KIRREL3: variants seen among roughly 807,000 people sequenced by gnomAD.
The protein encoded by KIRREL3 is kin of IRRE-like protein 3.
In KIRREL3, 36 loss-of-function variants were observed where a neutral mutation model predicts 89.7. The ratio of observed to expected loss-of-function variants is 0.40; its 90% CI spans 0.31 to 0.53. The LOEUF (loss-of-function observed/expected upper bound fraction) is 0.53, where lower values mean the gene tolerates loss of function less well. Ranked by LOEUF, KIRREL3 falls within the 20% of genes least tolerant of loss-of-function variation. KIRREL3 has a pLI of 0.49. For synonymous variants in KIRREL3, 445 were observed against 441.4 expected (o/e 1.01, Z -0.10); for missense variants, 864 against 1,056.6 (o/e 0.82, Z 2.53).
rs1949373011 is a variant in KIRREL3 at position 126,752,656 on chromosome 11, A to T, written c.56-189744T>A. The stretch of plus-strand genomic sequence containing the variant: ...CCCCCCCCACCCACTGCCTCCCAAG[A>T]TTCACATGTGAAAGAATGCAAATTC... On this transcript the variant is annotated intron_variant, in intron 1 of 16. Transcript: ENST00000525144. This position sits in a 1 kb window ranked among gnomAD's most constrained non-coding sequence, Gnocchi z 4.8. Among the ~76,000 whole-genome samples, 3 of 152,082 alleles carry T rather than the reference A, an allele frequency of 2.0e-5. No individual in the cohort carries two copies. Among genetic ancestry groups the T allele is most frequent in the Non-Finnish European group, 4.4e-5 (3 of 68,036 alleles).
At position 126,441,747 on chromosome 11, in the gene KIRREL3, CTG is replaced by C. The variant is rs552438437; in HGVS notation, c.1253-1200_1253-1199del. Among the ~76,000 whole-genome samples, 3 of 152,210 alleles carry C rather than the reference CTG, an allele frequency of 2.0e-5. No individual in the cohort carries two copies. The highest frequency in any genetic ancestry group is 4.4e-5 in the Non-Finnish European group (3 of 68,038). ...GCTCTCAGCCAAGGGAGAAAAGGTA[CTG>C]TAGACACTCCAGTGACTTCTGTTGA... On this transcript the variant is annotated intron_variant, in intron 10 of 16. Transcript: ENST00000525144. This position sits in a 1 kb window ranked among gnomAD's most constrained non-coding sequence, Gnocchi z 5.0.
chr11:126,691,315 A>G (rs899962436), intron 1 of KIRREL3, among the ~76,000 whole-genome samples: 3 of 152,228 alleles, frequency 2.0e-5, no homozygotes, highest in African/African-American at 7.2e-5. Flanking sequence ...TCTCACGTAT[A>G]CCAGCAGACA....
chr11:126,590,678 T>A (rs1447749082), intron 1 of KIRREL3, among the ~76,000 whole-genome samples: 3 of 151,736 alleles, frequency 2.0e-5, no homozygotes, highest in African/African-American at 7.3e-5. Flanking sequence ...AGTGGGAGAG[T>A]GATGGAGGGT....
At chr11:126,617,314 A>G (rs1017560051) in intron 1 of KIRREL3, among the ~76,000 whole-genome samples, 1 of 152,240 alleles carries the variant, frequency 6.6e-6, no homozygotes, top group Admixed American at 6.5e-5. Flanking sequence ...CTTCTCTCTT[A>G]TAACTCTGAG....
intron 16 of KIRREL3, 145 bp from the exon 17 acceptor site, chr11:126,425,168 A>G: frequency 1.4e-6 from 1 of 694,974 alleles, no homozygotes; most frequent in Non-Finnish European, 2.4e-6. Context: ...GAGCAAACTC[A>G]GGGGTGAACA....
At position 126,761,254 on chromosome 11, in the gene KIRREL3, G is replaced by C. The variant is rs765070519; in HGVS notation, c.56-198342C>G. Among the ~76,000 whole-genome samples the C allele has an allele frequency of 3.3e-5, 5 of 152,226 alleles. No individual in the cohort carries two copies. Among genetic ancestry groups the C allele is most frequent in the Non-Finnish European group, 7.3e-5 (5 of 68,032 alleles). ...CCAGTGGGAAAGGAAAGGTGGTCAG[G>C]TTGTCAGGCCCCTGCACTCTGCCCA... On this transcript the variant is annotated intron_variant, in intron 1 of 16. Coordinates refer to ENST00000525144, the MANE Select transcript of KIRREL3 (RefSeq NM_032531.4). This position sits in a 1 kb window ranked among gnomAD's most constrained non-coding sequence, Gnocchi z 4.4.
rs951772263 is a variant in KIRREL3, at chr11:126,431,110, G to A, written c.1696+309C>T. On this transcript the variant is annotated intron_variant, in intron 14 of 16. Transcript: ENST00000525144. This position sits in a 1 kb window ranked among gnomAD's most constrained non-coding sequence, Gnocchi z 7.1. ...TAGAGCAAGGATCAAACCACAAACC[G>A]CTTTTCCCCCTATCTTTCTGTACAG... The A allele has an allele frequency of 1.1e-5, 15 of 1,404,478 alleles. No homozygotes were observed. The highest frequency in any genetic ancestry group is 5.8e-5 in the African/African-American group (4 of 69,234). 87.0% of individuals were successfully genotyped at this position (1,404,478 alleles called of 1,614,324 possible).
Position 126,709,224 on chromosome 11 carries a change from C to T in KIRREL3, c.56-146312G>A, listed in dbSNP as rs1472918487. Reference sequence around the variant, plus strand: ...AGAAATTATTAGATCAATTTCAAGTCCTCTTCCTGGCATTCAGAACTCGCC... The same window carrying T: ...AGAAATTATTAGATCAATTTCAAGTTCTCTTCCTGGCATTCAGAACTCGCC... On this transcript the variant is annotated intron_variant, in intron 1 of 16. Coordinates refer to ENST00000525144, the MANE Select transcript of KIRREL3 (RefSeq NM_032531.4). This position sits in a 1 kb window ranked among gnomAD's most constrained non-coding sequence, Gnocchi z 4.0. 6.6e-6 allele frequency among the ~76,000 whole-genome samples: 1 copy of T among 152,196 alleles called. No homozygotes were observed. Among genetic ancestry groups the T allele is most frequent in the Non-Finnish European group, 1.5e-5 (1 of 68,044 alleles).
intron 5 of KIRREL3, among the ~76,000 whole-genome samples, chr11:126,464,541 GAAAAAGA>G (rs1956657544): frequency 4.9e-5 from 1 of 20,456 alleles, no homozygotes; most frequent in East Asian, 5.7e-3. Flanking sequence ...AGAAGAAGAA[GAAAAAGA>G]AAAAGAAAAA....
intron 2 of KIRREL3, among the ~76,000 whole-genome samples, chr11:126,534,811 C>T (rs189164385): frequency 1.3e-4 from 20 of 152,144 alleles, no homozygotes; most frequent in African/African-American, 3.4e-4. Context: ...AGCAGGAGGT[C>T]GAGGTGCTGA....
At position 126,742,309 on chromosome 11, in the gene KIRREL3, T is replaced by A. The variant is rs908716925; in HGVS notation, c.56-179397A>T. On this transcript the variant is annotated intron_variant, in intron 1 of 16. Transcript: ENST00000525144. This position sits in a 1 kb window ranked among gnomAD's most constrained non-coding sequence, Gnocchi z 5.3. ...GTCTGTATGCAAGGGAAGTTTATTATCAAAGCAAAACTGGGGGTTGGGAGA... is the reference window on the plus strand; with the variant it reads ...GTCTGTATGCAAGGGAAGTTTATTAACAAAGCAAAACTGGGGGTTGGGAGA... Among the ~76,000 whole-genome samples the A allele has an allele frequency of 6.6e-6, 1 of 152,200 alleles. No individual in the cohort carries two copies. Among genetic ancestry groups the A allele is most frequent in the Admixed American group, 6.5e-5 (1 of 15,288 alleles).
intron 4 of KIRREL3, among the ~76,000 whole-genome samples, chr11:126,478,799 G>A (rs1957149152): frequency 6.6e-6 from 1 of 152,130 alleles, no homozygotes; most frequent in Non-Finnish European, 1.5e-5. Context: ...GCATGCATGT[G>A]TGTGTGCATT....
At chr11:126,798,430 GAGGTAACCAA>G (rs1359137637) in intron 1 of KIRREL3, among the ~76,000 whole-genome samples, 1 of 152,214 alleles carries the variant, frequency 6.6e-6, no homozygotes, top group African/African-American at 2.4e-5. Context: ...CAGAAAAGCA[GAGGTAACCAA>G]AGAATTAGGT....
chr11:126,595,216 G>A (rs1942339278), intron 1 of KIRREL3, among the ~76,000 whole-genome samples: 1 of 152,262 alleles, frequency 6.6e-6, no homozygotes, highest in Admixed American at 6.5e-5. Context: ...GAGGGTGGAT[G>A]TCCACTTTGG....
Position 126,847,989 on chromosome 11 carries a change from T to C in KIRREL3, c.55+152466A>G, listed in dbSNP as rs183959895. ...TGCTTTCTTTAAGGAATCAAACTTA[T>C]AGAGCCAATAAAAGCCCCTTGGGAA... On this transcript the variant is annotated intron_variant, in intron 1 of 16. Coordinates refer to ENST00000525144, the MANE Select transcript of KIRREL3 (RefSeq NM_032531.4). Among the ~76,000 whole-genome samples, 7 of 152,342 alleles carry C rather than the reference T, an allele frequency of 4.6e-5. No individual in the cohort carries two copies. The South Asian group carries it at 6.2e-4, about 14-fold the overall frequency.
At chr11:126,473,032 T>TCG (rs1352929630) in intron 5 of KIRREL3, among the ~76,000 whole-genome samples, 1 of 49,294 alleles carries the variant, frequency 2.0e-5, no homozygotes, top group African/African-American at 1.0e-4. Flanking sequence ...TATCCTCCCC[T>TCG]CTACCTAACC....
chr11:126,848,920 T>G (rs565790977), intron 1 of KIRREL3, among the ~76,000 whole-genome samples: 1 of 152,332 alleles, frequency 6.6e-6, no homozygotes, highest in East Asian at 1.9e-4. Flanking sequence ...TGGATCTTCG[T>G]TCCTCTACAA....
chr11:126,894,094 C>T (rs1363728723), intron 1 of KIRREL3, among the ~76,000 whole-genome samples: 1 of 152,200 alleles, frequency 6.6e-6, no homozygotes, highest in Admixed American at 6.5e-5. Flanking sequence ...ACGTCCACCT[C>T]GTCCTGTTGG....
chr11:126,923,187 C>T (rs1408054672), intron 1 of KIRREL3, among the ~76,000 whole-genome samples: 781 of 23,786 alleles, frequency 0.033, 237 homozygotes, highest in Middle Eastern at 0.11. Flanking sequence ...TCTTCTTCTT[C>T]TCTTCTTCTT....
Sources: allele counts gnomAD v4.1 joint callset (sites outside exome capture counted in the v4.1 genomes callset), GRCh38; gene constraint gnomAD v4.1.1; non-coding constraint Gnocchi (gnomAD v3.1); transcripts MANE v1.5; gene names NCBI Gene and HGNC (gene_info 2026-07-23, HGNC 2026-07-21).